The following FHIT variants were observed in gnomAD, a reference collection of about 807,000 sequenced individuals.
The protein encoded by FHIT is fragile histidine triad diadenosine triphosphatase, also known as bis(5'-adenosyl)-triphosphatase.
A neutral mutation model predicts 17.9 loss-of-function variants in FHIT; 19 were observed. The ratio of observed to expected loss-of-function variants is 1.06; its 90% CI spans 0.74 to 1.56. FHIT has a LOEUF of 1.56. Among genes scored for constraint, FHIT ranks in the 40% most tolerant of loss-of-function variants. The pLI is 0.00. For synonymous variants in FHIT, 81 were observed against 69.7 expected (o/e 1.16, Z -0.81); for missense variants, 248 against 189.2 (o/e 1.31, Z -1.82).
intron 5 of FHIT, among the ~76,000 whole-genome samples, chr3:60,198,724 C>G (rs1348966142): frequency 6.6e-6 from 1 of 152,146 alleles, no homozygotes; most frequent in Non-Finnish European, 1.5e-5. Context: ...GTACCATTTT[C>G]TACCTAGCCA....
intron 5 of FHIT, among the ~76,000 whole-genome samples, chr3:60,317,042 C>A (rs905661992): frequency 3.3e-5 from 5 of 152,088 alleles, no homozygotes; most frequent in African/African-American, 9.7e-5. Flanking sequence ...CATAGCTATA[C>A]AGTAATCTAA....
intron 4 of FHIT, chr3:60,617,921 A>G: frequency 4.3e-6 from 1 of 234,590 alleles, no homozygotes. Context: ...GTAATTTGTG[A>G]TAACTGAAAA....
At chr3:59,951,039 C>T (rs1442989406) in intron 7 of FHIT, among the ~76,000 whole-genome samples, 2 of 152,182 alleles carry the variant, frequency 1.3e-5, no homozygotes, top group East Asian at 1.9e-4. Flanking sequence ...TGTATTAAGG[C>T]TTTAATAGAT....
chr3:59,973,197 T>C (rs1056998643), intron 7 of FHIT, among the ~76,000 whole-genome samples: 1 of 152,130 alleles, frequency 6.6e-6, no homozygotes, highest in African/African-American at 2.4e-5. Context: ...GCATTTCCTC[T>C]AATCTGTCTT....
chr3:60,566,826 G>C (rs938670100), intron 4 of FHIT, among the ~76,000 whole-genome samples: 3 of 149,834 alleles, frequency 2.0e-5, no homozygotes, highest in Admixed American at 6.7e-5. Context: ...CAGACAAACA[G>C]AGAGCCAAAT....
At chr3:59,869,300 T>C (rs1702802917) in intron 8 of FHIT, among the ~76,000 whole-genome samples, 1 of 152,016 alleles carries the variant, frequency 6.6e-6, no homozygotes, top group Admixed American at 6.6e-5. Flanking sequence ...CACATAAGGG[T>C]CTCAAAGATT....
intron 5 of FHIT, among the ~76,000 whole-genome samples, chr3:60,248,131 G>C (rs574436117): frequency 6.6e-6 from 1 of 152,034 alleles, no homozygotes. Context: ...AAGCTGCCTC[G>C]TTATAAAAAA....
At chr3:60,433,456 G>A (rs1469395480) in intron 5 of FHIT, among the ~76,000 whole-genome samples, 2 of 151,910 alleles carry the variant, frequency 1.3e-5, no homozygotes, top group Non-Finnish European at 2.9e-5. Context: ...TAGATCATGG[G>A]GTAAATCTAT....
chr3:60,059,816 C>T (rs1052046029), intron 5 of FHIT, among the ~76,000 whole-genome samples: 1 of 152,144 alleles, frequency 6.6e-6, no homozygotes, highest in African/African-American at 2.4e-5. Context: ...GTACAAGACT[C>T]CTTGTAGCTT....
At chr3:60,932,274 C>G (rs1306738595) in intron 3 of FHIT, among the ~76,000 whole-genome samples, 1 of 152,128 alleles carries the variant, frequency 6.6e-6, no homozygotes, top group African/African-American at 2.4e-5. Context: ...AGTGCCTTAT[C>G]CTACAGTTTA....
At chr3:61,081,720 A>G (rs1299434176) in intron 2 of FHIT, among the ~76,000 whole-genome samples, 1 of 152,162 alleles carries the variant, frequency 6.6e-6, no homozygotes, top group Non-Finnish European at 1.5e-5. Flanking sequence ...TGAGGACACC[A>G]TTCACATTGC....
At chr3:59,817,345 G>C (rs144103090) in intron 8 of FHIT, among the ~76,000 whole-genome samples, 47 of 152,188 alleles carry the variant, frequency 3.1e-4, no homozygotes, top group African/African-American at 1.0e-3. Flanking sequence ...GTTGGAACAA[G>C]AGCCATCTGG....
At chr3:60,416,128 A>C (rs953987801) in intron 5 of FHIT, among the ~76,000 whole-genome samples, 1 of 151,872 alleles carries the variant, frequency 6.6e-6, no homozygotes, top group East Asian at 1.9e-4. Context: ...CAAGATGGCC[A>C]ATCTAATCAG....
intron 5 of FHIT, among the ~76,000 whole-genome samples, chr3:60,136,383 G>A (rs1311069774): frequency 6.6e-6 from 1 of 152,108 alleles, no homozygotes; most frequent in Non-Finnish European, 1.5e-5. Flanking sequence ...GTGGAACTGT[G>A]CAAACCCAAC....
intron 8 of FHIT, among the ~76,000 whole-genome samples, chr3:59,819,756 G>T (rs1437950703): frequency 6.6e-6 from 1 of 152,172 alleles, no homozygotes; most frequent in South Asian, 2.1e-4. Flanking sequence ...GGATGCTACG[G>T]TCTGAATGTA....
rs151317324 is a variant in FHIT at position 60,829,623 on chromosome 3, T to G, written c.-110-7612A>C. ...TTCTTGAGATCTGGGAATTGTCCAA[T>G]GTGCTTTCTGTAGTATTCGTGGTAC... On this transcript the variant is annotated intron_variant, in intron 3 of 9. Transcript: ENST00000492590. Among the ~76,000 whole-genome samples, 3 of 152,292 alleles carry G rather than the reference T, an allele frequency of 2.0e-5. No individual in the cohort carries two copies. The East Asian group carries it at 5.8e-4, about 29-fold the overall frequency.
In FHIT at chr3:59,838,841, G is replaced by A. The variant is rs139896034; in HGVS notation, c.348+83505C>T. On this transcript the variant is annotated intron_variant, in intron 8 of 9. Coordinates refer to ENST00000492590, the MANE Select transcript of FHIT (RefSeq NM_002012.4). ...GAGGAGCCCTAGATTTGGCAAAGGT[G>A]CCTTTGAAGGCGGAAGTAGGAAACT... is the stretch of plus-strand genomic sequence containing the variant. 9.7e-3 allele frequency among the ~76,000 whole-genome samples: 1,476 copies of A among 152,240 alleles called. 7 individuals carry two copies. The highest frequency in any genetic ancestry group is 0.02 in the Middle Eastern group (6 of 294).
At chr3:60,873,317 G>T (rs927277603) in intron 3 of FHIT, among the ~76,000 whole-genome samples, 1 of 152,130 alleles carries the variant, frequency 6.6e-6, no homozygotes, top group African/African-American at 2.4e-5. Flanking sequence ...ACCACCTATG[G>T]CTCTCTCCAA....
At chr3:60,558,962 C>T (rs548178087) in intron 4 of FHIT, among the ~76,000 whole-genome samples, 13 of 152,234 alleles carry the variant, frequency 8.5e-5, no homozygotes, top group Admixed American at 1.3e-4. Context: ...TTGACTCTTT[C>T]AATTAGGAGC....
Sources: gnomAD v4.1 joint callset for allele counts (sites outside exome capture counted in the v4.1 genomes callset) on GRCh38, gnomAD v4.1.1 for gene constraint, MANE v1.5 for transcripts, NCBI Gene and HGNC (gene_info 2026-07-23, HGNC 2026-07-21) for gene names.